Variants in CSMD2 observed in about 807,000 individuals in gnomAD.
CSMD2 encodes CUB and sushi domain-containing protein 2.
Under a neutral mutation model 398.5 loss-of-function variants are expected in CSMD2, and 130 were observed. The observed-to-expected ratio is 0.33, with a 90% CI of 0.28 to 0.38. The LOEUF (loss-of-function observed/expected upper bound fraction) is 0.38, where lower values mean the gene tolerates loss of function less well. Among genes scored for constraint, CSMD2 ranks in the 10% least tolerant of loss-of-function variants. The pLI, the probability that CSMD2 is intolerant of heterozygous loss-of-function variation, is 1.00. For missense variants in CSMD2, 3,829 were observed against 4,764.9 expected, an observed-to-expected ratio of 0.80 and a Z score of 5.78; for synonymous variants, 1,828 against 1,908.5, an observed-to-expected ratio of 0.96 and a Z score of 1.10.
At chr1:33,920,431 AC>A (rs1643897224) in intron 4 of CSMD2, among the ~76,000 whole-genome samples, 1 of 150,588 alleles carries the variant, frequency 6.6e-6, no homozygotes, top group Non-Finnish European at 1.5e-5. Context: ...AGTCCCAGCT[AC>A]CCGGGAGGCC....
At chr1:34,165,291 A>G, upstream of CSMD2, 1 of 1,204,700 alleles carries the variant, frequency 8.3e-7, no homozygotes, top group Non-Finnish European at 1.0e-6. Flanking sequence ...GACTCGCTCC[A>G]ATCCCGCTTC....
At chr1:33,742,150 G>C (rs1271662693) in intron 14 of CSMD2, among the ~76,000 whole-genome samples, 1 of 152,210 alleles carries the variant, frequency 6.6e-6, no homozygotes, top group Non-Finnish European at 1.5e-5. Context: ...GAATCCCCTG[G>C]AGGAGACATG....
At chr1:34,016,923 GT>G (rs761390628) in intron 3 of CSMD2, among the ~76,000 whole-genome samples, 3 of 151,890 alleles carry the variant, frequency 2.0e-5, no homozygotes, top group Non-Finnish European at 2.9e-5. Flanking sequence ...GTATTTCACA[GT>G]TTTTTTTCAC....
intron 16 of CSMD2, among the ~76,000 whole-genome samples, chr1:33,726,099 G>A (rs964241506): frequency 1.3e-5 from 2 of 152,164 alleles, no homozygotes; most frequent in African/African-American, 2.4e-5. Flanking sequence ...AGGTGGCTAC[G>A]TTCTCCACCC....
chr1:34,092,201 A>G lies in CSMD2; in HGVS notation c.188-3008T>C, dbSNP rs555788894. Among the ~76,000 whole-genome samples, 10 of 152,366 alleles carry G rather than the reference A, an allele frequency of 6.6e-5. No individual in the cohort carries two copies. In the East Asian group the frequency reaches 1.9e-3, roughly 29 times the overall value. ...ATGAAAATGACTTTTACAGAGGGAT[A>G]AAAAATTTGAATAACTGGAGAGACA... On this transcript the variant is annotated intron_variant, in intron 1 of 70. Transcript: ENST00000373381.
At chr1:34,012,247 C>T (rs538725591) in intron 3 of CSMD2, among the ~76,000 whole-genome samples, 11 of 152,260 alleles carry the variant, frequency 7.2e-5, no homozygotes, top group South Asian at 2.1e-4. Flanking sequence ...TTCCCGCTGC[C>T]GGGACACTCT....
intron 38 of CSMD2, 103 bp downstream of exon 38, chr1:33,617,396 G>A (rs2148859291): frequency 2.4e-6 from 2 of 827,186 alleles, no homozygotes; most frequent in Non-Finnish European, 4.1e-6. Flanking sequence ...GGACCTGGGG[G>A]CTGCTCCCTG....
chr1:33,984,836 G>GAGGAAGGA (rs762634602), intron 3 of CSMD2, among the ~76,000 whole-genome samples: 23 of 148,916 alleles, frequency 1.5e-4, no homozygotes, highest in African/African-American at 3.5e-4. Context: ...AGGAGGGAAG[G>GAGGAAGGA]AGGAAGGAAG....
At chr1:33,976,332 T>C (rs1275194532) in intron 3 of CSMD2, among the ~76,000 whole-genome samples, 2 of 152,102 alleles carry the variant, frequency 1.3e-5, no homozygotes, top group Non-Finnish European at 2.9e-5. Context: ...AAGGGGGTGG[T>C]TGGGGATAAG....
intron 25 of CSMD2, among the ~76,000 whole-genome samples, chr1:33,674,603 C>T (rs1440945688): frequency 2.0e-5 from 3 of 152,200 alleles, no homozygotes; most frequent in African/African-American, 4.8e-5. Context: ...CTGCACCAAG[C>T]AGACCTAATA....
intron 4 of CSMD2, among the ~76,000 whole-genome samples, chr1:33,919,979 T>C (rs573421923): frequency 6.6e-6 from 1 of 152,244 alleles, no homozygotes; most frequent in Non-Finnish European, 1.5e-5. Flanking sequence ...AACTCCAAGA[T>C]AAATAATTAA....
At chr1:33,631,704 C>T (rs1265521001) in intron 32 of CSMD2, among the ~76,000 whole-genome samples, 2 of 152,036 alleles carry the variant, frequency 1.3e-5, no homozygotes, top group African/African-American at 4.8e-5. Flanking sequence ...AGAAGATAAA[C>T]AAATGGAGAG....
Position 33,616,900 on chromosome 1 carries a change from T to C in CSMD2, c.6016+6A>G. On this transcript the variant is annotated splice_donor_region_variant and intron_variant, in intron 39 of 70. Transcript: ENST00000373381. ...GGAATGAATTGTAAAGTCTGGGCTGTCTTACCAATACAGAGTGGAGGAGGG... is the reference window on the plus strand; with the variant it reads ...GGAATGAATTGTAAAGTCTGGGCTGCCTTACCAATACAGAGTGGAGGAGGG... 1 of 1,612,820 alleles carries C rather than the reference T, an allele frequency of 6.2e-7. No homozygotes were observed. The highest frequency in any genetic ancestry group is 8.5e-7 in the Non-Finnish European group (1 of 1,178,780).
rs150956444 is a variant in CSMD2, at chr1:34,017,265, C to G, written c.517+15329G>C. Among the ~76,000 whole-genome samples the G allele has an allele frequency of 5.0e-3, 765 of 152,346 alleles. 6 individuals are homozygous for G. Among genetic ancestry groups the G allele is most frequent in the Non-Finnish European group, 8.6e-3 (583 of 68,032 alleles). On this transcript the variant is annotated intron_variant, in intron 3 of 70. Coordinates refer to ENST00000373381, the MANE Select transcript of CSMD2 (RefSeq NM_001281956.2). Reference sequence around the variant, plus strand: ...GCTGAAATTCACCTACTTTTAACATCTTTCCATTGGACATTGTTCTACTCC... The same window carrying G: ...GCTGAAATTCACCTACTTTTAACATGTTTCCATTGGACATTGTTCTACTCC...
chr1:33,808,105 AAC>A (rs1438421542), intron 10 of CSMD2, among the ~76,000 whole-genome samples: 1 of 152,094 alleles, frequency 6.6e-6, no homozygotes, highest in Non-Finnish European at 1.5e-5. Flanking sequence ...ATGCTCTAAT[AAC>A]ACAGTCTCAA....
At chr1:33,906,150 T>A (rs956315376) in intron 5 of CSMD2, among the ~76,000 whole-genome samples, 6 of 152,178 alleles carry the variant, frequency 3.9e-5, no homozygotes, top group African/African-American at 1.4e-4. Flanking sequence ...ATCTGTAACA[T>A]GAGCAAGAAG....
At chr1:33,782,590 G>A (rs1005000264) in intron 12 of CSMD2, among the ~76,000 whole-genome samples, 1 of 152,184 alleles carries the variant, frequency 6.6e-6, no homozygotes, top group African/African-American at 2.4e-5. Flanking sequence ...ATGGGCTGTT[G>A]GCATCTGTGC....
At chr1:33,567,554 C>G in intron 53 of CSMD2, 39 bp downstream of exon 53, 1 of 1,606,250 alleles carries the variant, frequency 6.2e-7, no homozygotes, top group South Asian at 1.1e-5. Context: ...CATGTTGAAT[C>G]TGAGCCCCAT....
intron 3 of CSMD2, among the ~76,000 whole-genome samples, chr1:33,964,281 GATA>G (rs952797027): frequency 1.3e-5 from 2 of 152,144 alleles, no homozygotes; most frequent in Admixed American, 6.5e-5. Flanking sequence ...ACATGGAGAT[GATA>G]ATAACAGTGC....
Sources: gnomAD v4.1 joint callset for allele counts (sites outside exome capture counted in the v4.1 genomes callset) on GRCh38, gnomAD v4.1.1 for gene constraint, MANE v1.5 for transcripts, NCBI Gene and HGNC (gene_info 2026-07-23, HGNC 2026-07-21) for gene names.